IL17A: variants seen among roughly 807,000 people sequenced by gnomAD.
The protein encoded by IL17A is interleukin 17A, also known as interleukin-17A.
A neutral mutation model predicts 7.2 loss-of-function variants in IL17A; 1 was observed. That is an observed-to-expected ratio of 0.14 (90% CI 0.05 to 0.66). The LOEUF is 0.66. IL17A is among the 30% of genes least tolerant of loss of function. IL17A has a pLI of 0.84. For missense variants in IL17A, 191 were observed against 197.1 expected (o/e 0.97, Z 0.18); for synonymous variants, 90 against 77.7 (o/e 1.16, Z -0.83).
intron 2 of IL17A, 140 bp downstream of exon 2, chr6:52,187,945 C>G: frequency 1.4e-6 from 1 of 703,970 alleles, no homozygotes; most frequent in Non-Finnish European, 2.4e-6. Context: ...AAGAGCAATT[C>G]TCAAACTTTC....
intron 2 of IL17A, among the ~76,000 whole-genome samples, chr6:52,188,540 G>A (rs1763322117): frequency 6.6e-6 from 1 of 152,128 alleles, no homozygotes; most frequent in South Asian, 2.1e-4. Flanking sequence ...AAGAGAGAGG[G>A]AAGAGAAGGT....
chr6:52,189,136 G>A lies in IL17A; in HGVS notation c.312G>A (p.Gly104=). The A allele has an allele frequency of 6.2e-7, 1 of 1,614,146 alleles. No individual in the cohort carries two copies. ...ACTTGGGCTGCATCAACGCTGATGG[G>A]AACGTGGACTACCACATGAACTCTG... is the stretch of plus-strand genomic sequence containing the variant. ...CRHLGCINAD[G]NVDYHMNSVP... is the part of the protein sequence containing the mutation. The change falls in exon 3 of 3, where the codon GGG becomes GGA. Residue 104 remains glycine, a synonymous_variant. Transcript: ENST00000648244.
chr6:52,188,908 T>C (rs572205266), intron 2 of IL17A, 147 bp from the exon 3 acceptor site: 92 of 594,002 alleles, frequency 1.5e-4, no homozygotes, highest in Non-Finnish European at 2.5e-4. Flanking sequence ...TCCCCAAAGT[T>C]CTTCTTCAAA....
At position 52,187,641 on chromosome 6, in the gene IL17A, G is replaced by C; in HGVS notation, c.66G>C (p.Lys22Asn). ...LLLLSLEAIV[K>N]AGITIPRNPG... is the part of the protein sequence containing the mutation. The stretch of plus-strand genomic sequence containing the variant: ...TGCTGAGCCTGGAGGCCATAGTGAA[G>C]GCAGGAATCACAATCCCACGAAATC... The change falls in exon 2 of 3, where the codon AAG becomes AAC. Residue 22 changes from lysine (K) to asparagine (N), a missense_variant. Physicochemically the swap from Lys to Asn is moderately conservative, Grantham distance 94. Transcript: ENST00000648244. 1 of 1,614,096 alleles carries C rather than the reference G, an allele frequency of 6.2e-7. No individual in the cohort carries two copies. The highest frequency in any genetic ancestry group is 1.1e-5 in the South Asian group (1 of 91,084).
Position 52,187,812 on chromosome 6 carries a change from A to T in IL17A, c.230+7A>T, listed in dbSNP as rs760789619. The T allele has an allele frequency of 2.5e-6, 4 of 1,608,858 alleles. No homozygotes were observed. The highest frequency in any genetic ancestry group is 3.4e-6 in the Non-Finnish European group (4 of 1,175,364). ...CCTCACCTTGGAATCTCCAGTACGT[A>T]AAGCTTCCAGATAAAAATGCTATAT... On this transcript the variant is annotated splice_region_variant and intron_variant, in intron 2 of 2. Transcript: ENST00000648244.
Position 52,189,172 on chromosome 6 carries a change from G to A in IL17A, c.348G>A (p.Gln116=). The change falls in exon 3 of 3, where the codon CAG becomes CAA. Residue 116 remains glutamine, a synonymous_variant. Coordinates refer to ENST00000648244, the MANE Select transcript of IL17A (RefSeq NM_002190.3). ...VDYHMNSVPI[Q]QEILVLRREP... ...ACCACATGAACTCTGTCCCCATCCA[G>A]CAAGAGATCCTGGTCCTGCGCAGGG... is the stretch of plus-strand genomic sequence containing the variant. 6.2e-7 allele frequency: 1 copy of A among 1,614,138 alleles called. No homozygotes were observed.
chr6:52,188,898 TC>T (rs1424854860), intron 2 of IL17A, among the ~76,000 whole-genome samples, 156 bp from the exon 3 acceptor site: 33 of 152,210 alleles, frequency 2.2e-4, no homozygotes, highest in Admixed American at 2.2e-3. Context: ...ATCCAATTTG[TC>T]CCCAAAGTTC....
intron 1 of IL17A, among the ~76,000 whole-genome samples, chr6:52,187,030 A>G (rs1167765719): frequency 6.6e-6 from 1 of 152,230 alleles, no homozygotes; most frequent in Non-Finnish European, 1.5e-5. Flanking sequence ...ATTTAGAACA[A>G]CTGGAAAATA....
chr6:52,186,746 AG>A (rs1486202670), intron 1 of IL17A, among the ~76,000 whole-genome samples: 1 of 152,218 alleles, frequency 6.6e-6, no homozygotes, highest in Non-Finnish European at 1.5e-5. Context: ...ATTTATTGAA[AG>A]TCTGTTTTTC....
intron 1 of IL17A, among the ~76,000 whole-genome samples, chr6:52,187,144 G>C (rs1004280028): frequency 1.9e-4 from 29 of 152,146 alleles, no homozygotes; most frequent in African/African-American, 7.0e-4. Context: ...ATTTTCTATA[G>C]CTCTTTCTTC....
At chr6:52,187,499 GT>G (rs1349237468) in intron 1 of IL17A, 103 bp from the exon 2 acceptor site, 3 of 920,880 alleles carry the variant, frequency 3.3e-6, no homozygotes, top group African/African-American at 1.6e-5. Flanking sequence ...AACATTGTGT[GT>G]TCTCTATGAT....
chr6:52,187,862 C>T (rs149129557), intron 2 of IL17A, 57 bp downstream of exon 2: 1 of 1,369,102 alleles, frequency 7.3e-7, no homozygotes, highest in Non-Finnish European at 1.0e-6. Flanking sequence ...ATGCATCAGA[C>T]TGCCAGTTAA....
Position 52,189,301 on chromosome 6 carries a change from G to T in IL17A, c.*9G>T. The T allele has an allele frequency of 6.2e-7, 1 of 1,608,544 alleles. No homozygotes were observed. ...TCCACCATGTGGCCTAAGAGCTCTG[G>T]GGAGCCCACACTCCCCAAAGCAGTT... On this transcript the variant is annotated 3_prime_UTR_variant, in exon 3 of 3. Transcript: ENST00000648244.
At position 52,189,951 on chromosome 6, in the gene IL17A, G is replaced by C. The variant is rs1582239044; in HGVS notation, c.*659G>C. Reference sequence around the variant, plus strand: ...TGCAATTTGTTGAGGTTTTACAAGAGATACAGCAAGTCTAACTCTCTGTTC... The same window carrying C: ...TGCAATTTGTTGAGGTTTTACAAGACATACAGCAAGTCTAACTCTCTGTTC... On this transcript the variant is annotated 3_prime_UTR_variant, in exon 3 of 3. Coordinates refer to ENST00000648244, the MANE Select transcript of IL17A (RefSeq NM_002190.3). 2 of 152,164 alleles carry C rather than the reference G, an allele frequency of 1.3e-5. No individual in the cohort carries two copies. The highest frequency in any genetic ancestry group is 3.8e-4 in the East Asian group (2 of 5,206). The allele number at this position is 152,164 out of a possible 1,614,324, so 9.4% of individuals were successfully genotyped here.
At chr6:52,187,213 T>C (rs1763300144) in intron 1 of IL17A, among the ~76,000 whole-genome samples, 1 of 152,178 alleles carries the variant, frequency 6.6e-6, no homozygotes, top group Non-Finnish European at 1.5e-5. Context: ...AGAACAATGG[T>C]GCAGGAGGAT....
In IL17A at chr6:52,186,790, G is replaced by A. The variant is rs561816272; in HGVS notation, c.27+332G>A. On this transcript the variant is annotated intron_variant, in intron 1 of 2. Coordinates refer to ENST00000648244, the MANE Select transcript of IL17A (RefSeq NM_002190.3). ...AAAGGATTTAATATAATTCTCCCAC[G>A]GCATTTTTCTTTAAAATGGGTCACT... Among the ~76,000 whole-genome samples the A allele has an allele frequency of 1.7e-3, 264 of 152,138 alleles. 2 individuals carry two copies. Among genetic ancestry groups the A allele is most frequent in the African/African-American group, 5.9e-3 (246 of 41,496 alleles).
rs746370360 is a variant in IL17A at position 52,187,635 on chromosome 6, AG to A, written c.61del (p.Val21Ter). 1 of 1,613,978 alleles carries A rather than the reference AG, an allele frequency of 6.2e-7. No individual in the cohort carries two copies. The highest frequency in any genetic ancestry group is 1.3e-5 in the African/African-American group (1 of 74,936). ...TACTGCTGCTGAGCCTGGAGGCCAT[AG>A]TGAAGGCAGGAATCACAATCCCACG... is the stretch of plus-strand genomic sequence containing the variant. ...LLLLLSLEAI[V>X]KAGITIPRNP... On this transcript the variant is annotated frameshift_variant, in exon 2 of 3. Transcript: ENST00000648244. LOFTEE classifies it high-confidence loss of function.
At position 52,189,238 on chromosome 6, in the gene IL17A, A is replaced by G; in HGVS notation, c.414A>G (p.Ile138Met). The G allele has an allele frequency of 6.2e-7, 1 of 1,614,094 alleles. No homozygotes were observed. Among genetic ancestry groups the G allele is most frequent in the East Asian group, 2.2e-5 (1 of 44,844 alleles). Residue 138 changes from isoleucine (I) to methionine (M), a missense_variant, in exon 3 of 3, where the codon ATA becomes ATG. By Grantham distance (10) the Ile-to-Met change is conservative. Transcript: ENST00000648244. ...CCAACTCCTTCCGGCTGGAGAAGAT[A>G]CTGGTGTCCGTGGGCTGCACCTGTG... ...HCPNSFRLEK[I>M]LVSVGCTCVT...
Position 52,186,471 on chromosome 6 carries a change from C to A in IL17A, c.27+13C>A. The A allele has an allele frequency of 1.2e-6, 2 of 1,613,594 alleles. No individual in the cohort carries two copies. Among genetic ancestry groups the A allele is most frequent in the South Asian group, 2.2e-5 (2 of 91,034 alleles). ...GACCTCATTGGTGGTGAGTCCTGCACTAACGTGCGATGCTCTTGCTGATTT... is the reference window on the plus strand; with the variant it reads ...GACCTCATTGGTGGTGAGTCCTGCAATAACGTGCGATGCTCTTGCTGATTT... On this transcript the variant is annotated intron_variant, in intron 1 of 2. Coordinates refer to ENST00000648244, the MANE Select transcript of IL17A (RefSeq NM_002190.3).
Sources: gnomAD v4.1 joint callset for allele counts (sites outside exome capture counted in the v4.1 genomes callset) on GRCh38, gnomAD v4.1.1 for gene constraint, MANE v1.5 for transcripts, NCBI Gene and HGNC (gene_info 2026-07-23, HGNC 2026-07-21) for gene names.